C9orf43: variants seen among roughly 807,000 people sequenced by gnomAD.
C9orf43 encodes uncharacterized protein C9orf43.
A neutral mutation model predicts 59.1 loss-of-function variants in C9orf43; 45 were observed. The observed-to-expected ratio is 0.76, with a 90% CI of 0.60 to 0.98. The LOEUF (loss-of-function observed/expected upper bound fraction) is 0.98. Among genes scored for constraint, C9orf43 ranks in the 50% least tolerant of loss-of-function variants. The pLI, the probability that C9orf43 is intolerant of heterozygous loss-of-function variation, is 0.00. For missense variants in C9orf43, 533 were observed against 554.9 expected (o/e 0.96, Z 0.40); for synonymous variants, 203 against 196.8 (o/e 1.03, Z -0.26).
Position 113,429,446 on chromosome 9 carries a change from A to T in C9orf43, c.*60A>T. Reference sequence around the variant, plus strand: ...TGGGGCAGCCGTGTTCCAAAGCGGGATGGCTGGTATCCTGAGGGCAGCAAC... The same window carrying T: ...TGGGGCAGCCGTGTTCCAAAGCGGGTTGGCTGGTATCCTGAGGGCAGCAAC... On this transcript the variant is annotated 3_prime_UTR_variant, in exon 14 of 14. Transcript: ENST00000374165. 3 of 1,474,544 alleles carry T rather than the reference A, an allele frequency of 2.0e-6. No individual in the cohort carries two copies. The highest frequency in any genetic ancestry group is 2.8e-6 in the Non-Finnish European group (3 of 1,062,926). 91.3% of individuals were successfully genotyped at this position (1,474,544 alleles called of 1,614,324 possible).
At chr9:113,427,333 G>C (rs1170504886) in intron 11 of C9orf43, among the ~76,000 whole-genome samples, 1 of 152,056 alleles carries the variant, frequency 6.6e-6, no homozygotes. Context: ...GCACCACCAC[G>C]CCTGGCTAAG....
At chr9:113,417,508 G>A (rs181460712) in intron 3 of C9orf43, among the ~76,000 whole-genome samples, 99 of 152,332 alleles carry the variant, frequency 6.5e-4, no homozygotes, top group Middle Eastern at 6.8e-3. Flanking sequence ...CAGCCTAGTT[G>A]GGGAGGCAAA....
At chr9:113,418,894 G>A (rs1034115158) in intron 3 of C9orf43, among the ~76,000 whole-genome samples, 6 of 152,206 alleles carry the variant, frequency 3.9e-5, no homozygotes, top group Non-Finnish European at 5.9e-5. Context: ...GGAACAAATA[G>A]TTGTGAAGTA....
At chr9:113,415,844 T>G (rs899773801) in intron 3 of C9orf43, among the ~76,000 whole-genome samples, 23 of 152,224 alleles carry the variant, frequency 1.5e-4, no homozygotes, top group South Asian at 4.1e-4. Flanking sequence ...TCTTTTCTCC[T>G]GTTCCATTTA....
intron 13 of C9orf43, 85 bp from the exon 14 acceptor site, chr9:113,429,087 A>ACAC: frequency 6.6e-7 from 1 of 1,526,708 alleles, no homozygotes; most frequent in Non-Finnish European, 9.1e-7. Context: ...AGTCCTAAAA[A>ACAC]CACCCCATTT....
At position 113,428,240 on chromosome 9, in the gene C9orf43, G is replaced by A. The variant is rs774548056; in HGVS notation, c.1107+17G>A. ...TCGAAACAGGTGAGAGTGTACCAAG[G>A]CCTCTGCTAGGACCCAGTTTCAGTT... On this transcript the variant is annotated intron_variant, in intron 12 of 13. Transcript: ENST00000374165. 6.2e-7 allele frequency: 1 copy of A among 1,611,040 alleles called. No individual in the cohort carries two copies. Among genetic ancestry groups the A allele is most frequent in the Admixed American group, 1.7e-5 (1 of 60,024 alleles).
intron 5 of C9orf43, among the ~76,000 whole-genome samples, chr9:113,421,853 A>G (rs1001416823): frequency 5.3e-5 from 8 of 152,142 alleles, no homozygotes; most frequent in Non-Finnish European, 1.0e-4. Context: ...GTGTGTATAT[A>G]TGGTATAAAC....
In C9orf43 at chr9:113,429,028, G is replaced by A. The variant is rs138837718; in HGVS notation, c.1171+65G>A. On this transcript the variant is annotated intron_variant, in intron 13 of 13. Coordinates refer to ENST00000374165, the MANE Select transcript of C9orf43 (RefSeq NM_001278629.2). ...GGATAGGGAGAGTTGAACCTGTGTTGACCAGGATAGTTTACCTCCCTGAAG... is the reference window on the plus strand; with the variant it reads ...GGATAGGGAGAGTTGAACCTGTGTTAACCAGGATAGTTTACCTCCCTGAAG... 5 of 1,531,260 alleles carry A rather than the reference G, an allele frequency of 3.3e-6. No homozygotes were observed. In the African/African-American group the frequency reaches 4.1e-5, roughly 13 times the overall value. The allele number at this position is 1,531,260 out of a possible 1,614,324, so 94.9% of individuals were successfully genotyped here.
At chr9:113,411,663 C>T (rs1426485640) in intron 1 of C9orf43, among the ~76,000 whole-genome samples, 3 of 152,012 alleles carry the variant, frequency 2.0e-5, no homozygotes, top group Non-Finnish European at 2.9e-5. Flanking sequence ...CTCACTCCCA[C>T]TGATTTTATT....
rs1828915921 is a variant in C9orf43, at chr9:113,429,551, C to G, written c.*165C>G. The G allele has an allele frequency of 8.4e-6, 5 of 597,094 alleles. No individual in the cohort carries two copies. In the South Asian group the frequency reaches 1.1e-4, roughly 13 times the overall value. The allele number at this position is 597,094 out of a possible 1,614,324, so 37.0% of individuals were successfully genotyped here. Reference sequence around the variant, plus strand: ...GGCCTGAGCTCTGAGCTTAGGGATTCCATTTTCTTTGTTCACCTCTACTTG... The same window carrying G: ...GGCCTGAGCTCTGAGCTTAGGGATTGCATTTTCTTTGTTCACCTCTACTTG... On this transcript the variant is annotated 3_prime_UTR_variant, in exon 14 of 14. Coordinates refer to ENST00000374165, the MANE Select transcript of C9orf43 (RefSeq NM_001278629.2).
rs187949188 is a variant in C9orf43, at chr9:113,415,224, A to G, written c.287+1330A>G. Among the ~76,000 whole-genome samples, 782 of 150,978 alleles carry G rather than the reference A, an allele frequency of 5.2e-3. 8 individuals are homozygous for G. Among genetic ancestry groups the G allele is most frequent in the African/African-American group, 0.018 (752 of 41,068 alleles). ...AGTGTCGTGATCTCGGCTCACTGCA[A>G]CCTCCACCTCCTGGGTTCGAGTGAT... On this transcript the variant is annotated intron_variant, in intron 3 of 13. Transcript: ENST00000374165.
At chr9:113,413,329 C>T in intron 1 of C9orf43, 116 bp from the exon 2 acceptor site, 2 of 881,382 alleles carry the variant, frequency 2.3e-6, no homozygotes, top group Non-Finnish European at 3.2e-6. Flanking sequence ...ATTTTGTGGC[C>T]ATCATTTACC....
intron 3 of C9orf43, among the ~76,000 whole-genome samples, chr9:113,418,683 GA>G (rs1828463827): frequency 6.6e-6 from 1 of 152,172 alleles, no homozygotes; most frequent in Non-Finnish European, 1.5e-5. Flanking sequence ...GTGGGTAAGT[GA>G]AACCATGGAT....
chr9:113,414,386 C>T (rs1438815006), intron 3 of C9orf43, among the ~76,000 whole-genome samples: 2 of 152,008 alleles, frequency 1.3e-5, no homozygotes, highest in East Asian at 3.9e-4. Flanking sequence ...GCGATCCTCC[C>T]ACCTCAGCCT....
intron 11 of C9orf43, 41 bp from the exon 12 acceptor site, chr9:113,428,106 T>G: frequency 6.2e-7 from 1 of 1,603,328 alleles, no homozygotes; most frequent in South Asian, 1.1e-5. Context: ...GGGTATGATA[T>G]GGTAATAAGA....
intron 2 of C9orf43, 26 bp downstream of exon 2, chr9:113,413,670 C>G: frequency 6.2e-7 from 1 of 1,612,946 alleles, no homozygotes; most frequent in Non-Finnish European, 8.5e-7. Context: ...TCTGTCCTCT[C>G]CCTCACGAGG....
intron 3 of C9orf43, among the ~76,000 whole-genome samples, chr9:113,415,055 C>T (rs774237129): frequency 6.6e-6 from 1 of 152,162 alleles, no homozygotes; most frequent in Non-Finnish European, 1.5e-5. Flanking sequence ...TGGTCTCAAA[C>T]TCGTGACCTC....
At chr9:113,425,315 G>A (rs1245018370) in intron 9 of C9orf43, 29 bp from the exon 10 acceptor site, 20 of 1,613,208 alleles carry the variant, frequency 1.2e-5, no homozygotes, top group Non-Finnish European at 1.7e-5. Context: ...GCTGTTAGAA[G>A]AGGATCAAGC....
chr9:113,425,145 C>T (rs753395261), intron 9 of C9orf43, 69 bp downstream of exon 9: 36 of 1,518,506 alleles, frequency 2.4e-5, no homozygotes, highest in South Asian at 1.6e-4. Context: ...CATACTTTAA[C>T]GTGGTCCAAT....
Sources: allele counts gnomAD v4.1 joint callset (sites outside exome capture counted in the v4.1 genomes callset), GRCh38; gene constraint gnomAD v4.1.1; transcripts MANE v1.5; gene names NCBI Gene and HGNC (gene_info 2026-07-23, HGNC 2026-07-21).